GP6: variants seen among roughly 807,000 people sequenced by gnomAD.
GP6 encodes platelet glycoprotein VI.
Under a neutral mutation model 37.3 loss-of-function variants are expected in GP6, and 45 were observed. That is an observed-to-expected ratio of 1.21 (90% CI 0.95 to 1.55). The LOEUF is 1.55. Among genes scored for constraint, GP6 ranks in the 40% most tolerant of loss-of-function variants. GP6 has a pLI of 0.00. For missense variants in GP6, 813 were observed against 760.2 expected, an observed-to-expected ratio of 1.07 and a Z score of -0.82; for synonymous variants, 340 against 316.4, an observed-to-expected ratio of 1.07 and a Z score of -0.79.
chr19:55,038,116 T>C (rs1474407197), intron 1 of GP6, 87 bp downstream of exon 1: 4 of 1,095,334 alleles, frequency 3.7e-6, no homozygotes, highest in Non-Finnish European at 5.5e-6. Flanking sequence ...CTGAAATTCA[T>C]CACCAATGCA....
chr19:55,020,862 C>A (rs944949919), intron 5 of GP6, among the ~76,000 whole-genome samples: 1 of 151,330 alleles, frequency 6.6e-6, no homozygotes, highest in Non-Finnish European at 1.5e-5. Flanking sequence ...ACCACCCTGG[C>A]CAACATGGTG....
chr19:55,029,088 AAAAGAAAG>A lies in GP6; in HGVS notation c.326-1234_326-1227del, dbSNP rs148719051. 9.9e-4 allele frequency among the ~76,000 whole-genome samples: 145 copies of A among 147,026 alleles called. 1 individual carries two copies. Among genetic ancestry groups the A allele is most frequent in the African/African-American group, 1.1e-3 (46 of 40,872 alleles). On this transcript the variant is annotated intron_variant, in intron 3 of 7. Transcript: ENST00000310373. ...TTATGGCATTCACTCAACAAGAAGA[AAAAGAAAG>A]AAAGAGGAAGGAAGGGAGGGAGGGA...
intron 6 of GP6, 60 bp downstream of exon 6, chr19:55,018,592 G>T (rs1276427193): frequency 1.6e-5 from 15 of 950,826 alleles, no homozygotes; most frequent in Non-Finnish European, 2.4e-5. Flanking sequence ...TTAGATAATG[G>T]AAGAGAGAGC....
intron 4 of GP6, among the ~76,000 whole-genome samples, chr19:55,026,140 C>T (rs759345628): frequency 6.6e-6 from 1 of 152,166 alleles, no homozygotes; most frequent in Non-Finnish European, 1.5e-5. Context: ...CTGTGTCCTA[C>T]CCCTCACTGT....
Position 55,030,664 on chromosome 19 carries a change from AT to A in GP6, c.325+1474del, listed in dbSNP as rs67465009. On this transcript the variant is annotated intron_variant, in intron 3 of 7. Transcript: ENST00000310373. Reference sequence around the variant, plus strand: ...GGCCCAACCTCTTCTCTTAAAAAAAATAAATAAATAAGAAAAGAAATTAGAA... The same window carrying A: ...GGCCCAACCTCTTCTCTTAAAAAAAAAAATAAATAAGAAAAGAAATTAGAA... Among the ~76,000 whole-genome samples, 752 of 148,388 alleles carry A rather than the reference AT, an allele frequency of 5.1e-3. 2 individuals carry two copies. Among genetic ancestry groups the A allele is most frequent in the African/African-American group, 8.0e-3 (324 of 40,514 alleles).
Position 55,015,075 on chromosome 19 carries a change from T to C in GP6, c.870A>G (p.Arg290=). ...GCGCTTCCTCCGGCTGTGCCAGTCC[T>C]CTGCCAGAAACCCCGCCAGGATTAT... The change falls in exon 8 of 8, where the codon AGA becomes AGG. Residue 290 remains arginine, a synonymous_variant. Coordinates refer to ENST00000310373, the MANE Select transcript of GP6 (RefSeq NM_001083899.2). 1 of 1,604,058 alleles carries C rather than the reference T, an allele frequency of 6.2e-7. No homozygotes were observed. The highest frequency in any genetic ancestry group is 8.5e-7 in the Non-Finnish European group (1 of 1,175,804).
chr19:55,023,882 T>C (rs948929546), intron 5 of GP6, among the ~76,000 whole-genome samples: 3 of 151,914 alleles, frequency 2.0e-5, no homozygotes, highest in South Asian at 2.1e-4. Flanking sequence ...ATTCTAGAAA[T>C]GGAAGATTAT....
In GP6 at chr19:55,027,713, T is replaced by A. The variant is rs754684731; in HGVS notation, c.475A>T (p.Arg159Ter). The A allele has an allele frequency of 4.3e-6, 7 of 1,613,612 alleles. No homozygotes were observed. The South Asian group carries it at 6.6e-5, about 15-fold the overall frequency. Residue 159 changes from arginine (R) to a stop codon, truncating the protein, a stop_gained, in exon 4 of 8, where the codon AGA becomes TGA. Transcript: ENST00000310373. LOFTEE classifies it high-confidence loss of function. ...ATGGGAAAACTAGCCCTGTACCATC[T>A]CTCGGGATTCTTGTAGGGCGCAGGG...
At chr19:55,024,690 G>T (rs182076435) in intron 5 of GP6, among the ~76,000 whole-genome samples, 13 of 152,282 alleles carry the variant, frequency 8.5e-5, no homozygotes, top group Non-Finnish European at 1.5e-5. Context: ...CATAGCATCA[G>T]CATCACCTGG....
intron 1 of GP6, among the ~76,000 whole-genome samples, chr19:55,034,337 A>G (rs951127143): frequency 6.6e-6 from 1 of 152,100 alleles, no homozygotes; most frequent in African/African-American, 2.4e-5. Flanking sequence ...TGGGCGGATC[A>G]CAAGGTCAGG....
intron 5 of GP6, among the ~76,000 whole-genome samples, chr19:55,024,306 A>ACGCACG (rs2074203104): frequency 2.8e-5 from 4 of 142,046 alleles, no homozygotes; most frequent in Non-Finnish European, 4.5e-5. Flanking sequence ...GCATGCACAC[A>ACGCACG]CATATGCACG....
At position 55,014,162 on chromosome 19, in the gene GP6, G is replaced by A. The variant is rs1414192902; in HGVS notation, c.1783C>T (p.His595Tyr). 3 of 701,496 alleles carry A rather than the reference G, an allele frequency of 4.3e-6. No individual in the cohort carries two copies. The African/African-American group carries it at 5.2e-5, about 12-fold the overall frequency. The allele number at this position is 701,496 out of a possible 1,614,324, so 43.5% of individuals were successfully genotyped here. Reference sequence around the variant, plus strand: ...TTCGTCACCCGAGCTAGAGTGCAGTGGTGTGATCTCAGCTCACTGCAACCT... The same window carrying A: ...TTCGTCACCCGAGCTAGAGTGCAGTAGTGTGATCTCAGCTCACTGCAACCT... Residue 595 changes from histidine (H) to tyrosine (Y), a missense_variant, in exon 8 of 8, where the codon CAC becomes TAC. Physicochemically the swap from His to Tyr is moderately conservative, Grantham distance 83. Transcript: ENST00000310373.
chr19:55,024,893 G>C (rs1239125146), intron 5 of GP6, among the ~76,000 whole-genome samples: 1 of 151,906 alleles, frequency 6.6e-6, no homozygotes, highest in African/African-American at 2.4e-5. Flanking sequence ...TTGGTTGGTT[G>C]GTTGGTTGGT....
Position 55,027,610 on chromosome 19 carries a change from G to C in GP6, c.578C>G (p.Ala193Gly). 6.2e-7 allele frequency: 1 copy of C among 1,613,194 alleles called. No homozygotes were observed. Among genetic ancestry groups the C allele is most frequent in the Admixed American group, 1.7e-5 (1 of 60,024 alleles). Reference sequence around the variant, plus strand: ...CACAAGCTCCAGGGGGTCGCTGGGGGCTGACCACAGGTATGGGTCCCTGCT... The same window carrying C: ...CACAAGCTCCAGGGGGTCGCTGGGGCCTGACCACAGGTATGGGTCCCTGCT... The change falls in exon 4 of 8, where the codon GCC becomes GGC. Residue 193 changes from alanine (A) to glycine (G), a missense_variant. Transcript: ENST00000310373.
At chr19:55,032,645 T>C (rs2074610985) in intron 1 of GP6, 107 bp from the exon 2 acceptor site, 1 of 1,162,990 alleles carries the variant, frequency 8.6e-7, no homozygotes, top group African/African-American at 1.5e-5. Flanking sequence ...TACTCTGTCC[T>C]AATAATTTCT....
In GP6 at chr19:55,032,260, C is replaced by T. The variant is rs2074588347; in HGVS notation, c.204G>A (p.Gln68=). Residue 68 remains glutamine, a synonymous_variant, in exon 3 of 8, where the codon CAG becomes CAA. Coordinates refer to ENST00000310373, the MANE Select transcript of GP6 (RefSeq NM_001083899.2). Reference sequence around the variant, plus strand: ...CCGGGATGAAGAGGACTGCCTGATCCTGGTACCTGCTGGAACTCAGCTTCT... The same window carrying T: ...CCGGGATGAAGAGGACTGCCTGATCTTGGTACCTGCTGGAACTCAGCTTCT... The T allele has an allele frequency of 1.9e-6, 3 of 1,614,094 alleles. No individual in the cohort carries two copies. Among genetic ancestry groups the T allele is most frequent in the African/African-American group, 2.7e-5 (2 of 74,942 alleles).
In GP6 at chr19:55,014,626, C is replaced by T; in HGVS notation, c.1319G>A (p.Trp440Ter). The T allele has an allele frequency of 6.2e-7, 1 of 1,614,084 alleles. No homozygotes were observed. Among genetic ancestry groups the T allele is most frequent in the Non-Finnish European group, 8.5e-7 (1 of 1,179,984 alleles). ...TATTAGAGAGGTTGAAGAAAGAGGC[C>T]AGTATGTGGTCCAGCCAGGGTACCA... The change falls in exon 8 of 8, where the codon TGG becomes TAG. Residue 440 changes from tryptophan to a stop codon, truncating the protein, a stop_gained. Coordinates refer to ENST00000310373, the MANE Select transcript of GP6 (RefSeq NM_001083899.2). LOFTEE classifies it low-confidence loss of function (END_TRUNC).
intron 1 of GP6, chr19:55,032,814 A>G (rs929423095): frequency 1.0e-4 from 60 of 599,926 alleles, no homozygotes; most frequent in Admixed American, 2.7e-4. Context: ...AGAGGAGGGC[A>G]AGGCATGGTG....
At chr19:55,023,921 A>G (rs11671922) in intron 5 of GP6, among the ~76,000 whole-genome samples, 114,707 of 152,038 alleles carry the variant, frequency 0.75, 44,229 homozygotes, top group Middle Eastern at 0.84. Context: ...AATGGATACC[A>G]GGAGTTAGGG....
Sources: gnomAD v4.1 joint callset for allele counts (sites outside exome capture counted in the v4.1 genomes callset) on GRCh38, gnomAD v4.1.1 for gene constraint, MANE v1.5 for transcripts, NCBI Gene and HGNC (gene_info 2026-07-23, HGNC 2026-07-21) for gene names.